ANKRD18B: variants seen among roughly 807,000 people sequenced by gnomAD.
The protein encoded by ANKRD18B is ankyrin repeat domain-containing protein 18B.
In ANKRD18B, 75 loss-of-function variants were observed where a neutral mutation model predicts 111.8. The observed-to-expected ratio is 0.67, with a 90% CI of 0.56 to 0.81. The LOEUF (loss-of-function observed/expected upper bound fraction) is 0.81, where lower values mean the gene tolerates loss of function less well. Among genes scored for constraint, ANKRD18B ranks in the 40% least tolerant of loss-of-function variants. The pLI is 0.00. For missense variants in ANKRD18B, 1,038 were observed against 1,225.5 expected (o/e 0.85, Z 2.28); for synonymous variants, 356 against 417.3 (o/e 0.85, Z 1.79).
chr9:33,551,376 A>T (rs1250981549), intron 12 of ANKRD18B, among the ~76,000 whole-genome samples: 1 of 152,212 alleles, frequency 6.6e-6, no homozygotes, highest in Non-Finnish European at 1.5e-5. Context: ...AAGCAATCCT[A>T]CATCTCTTAG....
intron 3 of ANKRD18B, among the ~76,000 whole-genome samples, chr9:33,532,896 A>G (rs910630222): frequency 6.6e-6 from 1 of 152,206 alleles, no homozygotes; most frequent in African/African-American, 2.4e-5. Flanking sequence ...ATTGTTGGCC[A>G]TGTAATATAG....
chr9:33,561,110 C>A (rs1398059424), intron 14 of ANKRD18B, among the ~76,000 whole-genome samples: 2 of 152,178 alleles, frequency 1.3e-5, no homozygotes, highest in African/African-American at 4.8e-5. Context: ...GAGGAGCTGA[C>A]AATTTGTTTT....
At chr9:33,536,000 G>A (rs984093296) in intron 5 of ANKRD18B, among the ~76,000 whole-genome samples, 4 of 151,910 alleles carry the variant, frequency 2.6e-5, no homozygotes, top group Admixed American at 2.6e-4. Context: ...TCATGGAACT[G>A]AAAAACAATA....
chr9:33,531,047 C>G (rs1403534188), intron 3 of ANKRD18B, among the ~76,000 whole-genome samples: 1 of 152,074 alleles, frequency 6.6e-6, no homozygotes, highest in East Asian at 1.9e-4. Context: ...GGTTATAGAG[C>G]TTTGGCATTA....
At chr9:33,568,598 A>T (rs1828721069) in intron 16 of ANKRD18B, 73 bp from the exon 17 acceptor site, 2 of 1,372,560 alleles carry the variant, frequency 1.5e-6, no homozygotes, top group Admixed American at 3.0e-5. Flanking sequence ...GCAACTGTTT[A>T]AAAAATGCAA....
chr9:33,559,281 C>G (rs900067945), intron 14 of ANKRD18B, among the ~76,000 whole-genome samples: 4 of 152,160 alleles, frequency 2.6e-5, no homozygotes, highest in Admixed American at 2.6e-4. Context: ...TTAATGAAGA[C>G]TTCTTACAGA....
At chr9:33,553,785 A>G (rs1253580625) in intron 12 of ANKRD18B, among the ~76,000 whole-genome samples, 2 of 152,210 alleles carry the variant, frequency 1.3e-5, no homozygotes, top group African/African-American at 4.8e-5. Flanking sequence ...TTTCATTATA[A>G]AAGAAAAAAG....
chr9:33,565,068 G>A lies in ANKRD18B; in HGVS notation c.2461-1151G>A, dbSNP rs188383600. 3.1e-3 allele frequency among the ~76,000 whole-genome samples: 475 copies of A among 152,230 alleles called. 4 individuals carry two copies. Among genetic ancestry groups the A allele is most frequent in the African/African-American group, 0.011 (447 of 41,542 alleles). On this transcript the variant is annotated intron_variant, in intron 14 of 18. Transcript: ENST00000684830. ...TTTGTTTGTTGCCTATGCTTCTGATGTCTTACCTATACAAATCTTTGTGCA... is the reference window on the plus strand; with the variant it reads ...TTTGTTTGTTGCCTATGCTTCTGATATCTTACCTATACAAATCTTTGTGCA...
chr9:33,572,256 T>C, intron 18 of ANKRD18B, 60 bp from the exon 19 acceptor site: 2 of 1,340,690 alleles, frequency 1.5e-6, no homozygotes, highest in South Asian at 1.2e-5. Context: ...ATTTTAAACT[T>C]ACACTTCGTT....
intron 3 of ANKRD18B, among the ~76,000 whole-genome samples, chr9:33,532,434 A>C (rs1261122894): frequency 1.3e-5 from 2 of 152,224 alleles, no homozygotes; most frequent in African/African-American, 4.8e-5. Context: ...GTAAAGTTGC[A>C]TTAATGTCCC....
rs1266487426 is a variant in ANKRD18B at position 33,541,314 on chromosome 9, C to T, written c.1078+87C>T. 10 of 1,479,762 alleles carry T rather than the reference C, an allele frequency of 6.8e-6. No homozygotes were observed. In the Admixed American group the frequency reaches 2.2e-4, roughly 32 times the overall value. 91.7% of individuals were successfully genotyped at this position (1,479,762 alleles called of 1,614,324 possible). The stretch of plus-strand genomic sequence containing the variant: ...TCAGCCGTAGTTAATGGTATAGTTT[C>T]CTTGTCACAAATCCATGGAGTACAT... On this transcript the variant is annotated intron_variant, in intron 9 of 18. Transcript: ENST00000684830.
chr9:33,534,501 T>C lies in ANKRD18B; in HGVS notation c.734T>C (p.Leu245Ser). 6.5e-7 allele frequency: 1 copy of C among 1,542,652 alleles called. No homozygotes were observed. ...GAGGATTATGCTTTTTGTTGTGATT[T>C]GAGAAGGTATGTGCTTATATTAAAA... ...TAEDYAFCCDLRSIQQQILEH... is the reference protein window; with the variant it reads ...TAEDYAFCCDSRSIQQQILEH... Residue 245 changes from leucine to serine, a missense_variant, in exon 5 of 19, where the codon TTG (leucine) becomes TCG (serine). Transcript: ENST00000684830.
At chr9:33,572,270 T>C (rs59767716) in intron 18 of ANKRD18B, 46 bp from the exon 19 acceptor site, 49,382 of 1,456,508 alleles carry the variant, frequency 0.034, 1,958 homozygotes, top group Admixed American at 0.18. Context: ...CTTCGTTAAC[T>C]GAAATGTTTT....
rs73481174 is a variant in ANKRD18B, at chr9:33,524,748, G to A, written c.206+53G>A. ...GGGGGCCCCCAGGCCCGGTTTCCCC[G>A]CACCGCCTGAGGCGGGGTCGTCGGA... is the stretch of plus-strand genomic sequence containing the variant. On this transcript the variant is annotated intron_variant, in intron 1 of 18. Transcript: ENST00000684830. The A allele has an allele frequency of 2.3e-3, 3,461 of 1,517,488 alleles. 64 individuals are homozygous for A. In the African/African-American group the frequency reaches 0.043, roughly 19 times the overall value. 94.0% of individuals were successfully genotyped at this position (1,517,488 alleles called of 1,614,324 possible).
At chr9:33,534,825 C>CTTTT (rs374951470) in intron 5 of ANKRD18B, among the ~76,000 whole-genome samples, 12 of 123,258 alleles carry the variant, frequency 9.7e-5, no homozygotes, top group East Asian at 4.6e-4. Context: ...TTCTTTCTTC[C>CTTTT]TTTTTTTTTT....
chr9:33,540,553 G>A (rs3005824), intron 8 of ANKRD18B, among the ~76,000 whole-genome samples: 1 of 152,204 alleles, frequency 6.6e-6, no homozygotes, highest in African/African-American at 2.4e-5. Context: ...TAGGGAGCCA[G>A]CAGTGTTTGC....
At chr9:33,573,491 G>A (rs1368359787), downstream of ANKRD18B, among the ~76,000 whole-genome samples, 2 of 144,932 alleles carry the variant, frequency 1.4e-5, no homozygotes, top group Non-Finnish European at 3.1e-5. Flanking sequence ...CTCCCACTCT[G>A]ACACTCAGGA....
chr9:33,573,685 A>G (rs1268571877), downstream of ANKRD18B, among the ~76,000 whole-genome samples: 1 of 141,240 alleles, frequency 7.1e-6, no homozygotes, highest in Non-Finnish European at 1.6e-5. Context: ...ACCCCTGGGC[A>G]CACATGCAGG....
intron 10 of ANKRD18B, among the ~76,000 whole-genome samples, chr9:33,546,227 A>C (rs140626213): frequency 0.011 from 1,603 of 152,332 alleles, 28 homozygotes; most frequent in African/African-American, 0.036. Context: ...AGTTGCAACA[A>C]ATATTCCCAG....
Sources: allele counts gnomAD v4.1 joint callset (sites outside exome capture counted in the v4.1 genomes callset), GRCh38; gene constraint gnomAD v4.1.1; transcripts MANE v1.5; gene names NCBI Gene and HGNC (gene_info 2026-07-23, HGNC 2026-07-21).